Variants in KCNIP4 observed in about 807,000 individuals in gnomAD.
KCNIP4 encodes potassium voltage-gated channel interacting protein 4.
KCNIP4 carries 12 observed loss-of-function variants against 34.0 expected under a neutral mutation model. That is an observed-to-expected ratio of 0.35 (90% CI 0.23 to 0.57). The LOEUF (loss-of-function observed/expected upper bound fraction) is 0.57. Among genes scored for constraint, KCNIP4 ranks in the 20% least tolerant of loss-of-function variants. The pLI is 0.83. For missense variants in KCNIP4, 238 were observed against 311.7 expected, an observed-to-expected ratio of 0.76 and a Z score of 1.78; for synonymous variants, 124 against 102.2, an observed-to-expected ratio of 1.21 and a Z score of -1.29.
At chr4:21,711,800 T>C (rs1052358342) in intron 1 of KCNIP4, among the ~76,000 whole-genome samples, 2 of 152,186 alleles carry the variant, frequency 1.3e-5, no homozygotes. Flanking sequence ...CCCAATGATA[T>C]CTACTTATTC....
intron 1 of KCNIP4, among the ~76,000 whole-genome samples, chr4:21,763,693 C>G (rs1718208896): frequency 6.6e-6 from 1 of 152,136 alleles, no homozygotes; most frequent in African/African-American, 2.4e-5. Context: ...GAAAACCCAG[C>G]ACAGTTATTC....
At chr4:21,906,295 C>G (rs1727998183) in intron 1 of KCNIP4, among the ~76,000 whole-genome samples, 1 of 152,090 alleles carries the variant, frequency 6.6e-6, no homozygotes, top group African/African-American at 2.4e-5. Context: ...TCTGGTGTAT[C>G]TGGGTAAGCC....
intron 1 of KCNIP4, among the ~76,000 whole-genome samples, chr4:21,343,075 G>GAGAA (rs1716919210): frequency 6.6e-6 from 1 of 152,056 alleles, no homozygotes; most frequent in Non-Finnish European, 1.5e-5. Flanking sequence ...CATAAGAATA[G>GAGAA]AGAAAGAAAG....
intron 1 of KCNIP4, among the ~76,000 whole-genome samples, chr4:21,505,929 C>T (rs1184218721): frequency 1.3e-5 from 2 of 152,138 alleles, no homozygotes; most frequent in East Asian, 1.9e-4. Flanking sequence ...ATGGATAAAC[C>T]CCATCTCTAC....
chr4:21,267,324 T>C (rs963598268), intron 1 of KCNIP4, among the ~76,000 whole-genome samples: 3 of 151,402 alleles, frequency 2.0e-5, no homozygotes, highest in Non-Finnish European at 2.9e-5. Flanking sequence ...TATGTTTGAC[T>C]AACCTCGGGT....
chr4:21,271,530 G>A (rs1299299602), intron 1 of KCNIP4, among the ~76,000 whole-genome samples: 1 of 152,020 alleles, frequency 6.6e-6, no homozygotes, highest in Non-Finnish European at 1.5e-5. Flanking sequence ...GATAGTTCTT[G>A]GAAACAATTT....
At chr4:21,244,269 G>A (rs931489157) in intron 1 of KCNIP4, among the ~76,000 whole-genome samples, 4 of 152,182 alleles carry the variant, frequency 2.6e-5, no homozygotes, top group African/African-American at 7.2e-5. Context: ...CTTGCTCGTG[G>A]AAGATTAAAC....
In KCNIP4 at chr4:21,523,035, A is replaced by T. The variant is rs563402600; in HGVS notation, c.61+425536T>A. On this transcript the variant is annotated intron_variant, in intron 1 of 8. Coordinates refer to ENST00000382152, the MANE Select transcript of KCNIP4 (RefSeq NM_025221.6). ...CCATAAGGGGATAAGTGCCCTTATT[A>T]AAAAAAAAGGGGGGGACACTATTCA... Among the ~76,000 whole-genome samples the T allele has an allele frequency of 3.7e-4, 54 of 146,652 alleles. 1 individual carries two copies. The highest frequency in any genetic ancestry group is 3.4e-3 in the Middle Eastern group (1 of 290).
At chr4:20,781,976 T>A (rs1756914348) in intron 3 of KCNIP4, among the ~76,000 whole-genome samples, 1 of 152,082 alleles carries the variant, frequency 6.6e-6, no homozygotes, top group South Asian at 2.1e-4. Context: ...GGAGTACAGG[T>A]ATTAGGTAAA....
chr4:21,491,384 T>A (rs1412703202), intron 1 of KCNIP4, among the ~76,000 whole-genome samples: 1 of 152,124 alleles, frequency 6.6e-6, no homozygotes, highest in Non-Finnish European at 1.5e-5. Flanking sequence ...CCACTTGTTT[T>A]TTGTTTGTTT....
At chr4:21,886,025 G>A (rs1053947735) in intron 1 of KCNIP4, among the ~76,000 whole-genome samples, 1 of 152,058 alleles carries the variant, frequency 6.6e-6, no homozygotes, top group East Asian at 1.9e-4. Flanking sequence ...GATAAGGCTT[G>A]TGGATTATTT....
At chr4:20,874,299 A>G (rs1723773920) in intron 2 of KCNIP4, among the ~76,000 whole-genome samples, 1 of 152,162 alleles carries the variant, frequency 6.6e-6, no homozygotes, top group African/African-American at 2.4e-5. Flanking sequence ...TCAACTTTTT[A>G]ACTCTAGTAT....
intron 1 of KCNIP4, among the ~76,000 whole-genome samples, chr4:21,533,499 C>A (rs1472316184): frequency 2.0e-5 from 3 of 152,068 alleles, no homozygotes; most frequent in African/African-American, 7.2e-5. Flanking sequence ...CATTTTAGAC[C>A]ATTTCCATCT....
Position 20,729,803 on chromosome 4 carries a change from A to G in KCNIP4, c.*279T>C, listed in dbSNP as rs1436332039. On this transcript the variant is annotated 3_prime_UTR_variant, in exon 9 of 9. Transcript: ENST00000382152. ...GCCTCAATAATCCCATGGCTAAGGA[A>G]CCAATAAAACTATATGCCAGATTCT... is the stretch of plus-strand genomic sequence containing the variant. The G allele has an allele frequency of 3.2e-6, 1 of 312,790 alleles. No individual in the cohort carries two copies. The allele number at this position is 312,790 out of a possible 1,614,324, so 19.4% of individuals were successfully genotyped here. A position where few individuals can be genotyped will look rare whatever the true frequency, so the allele number is the denominator to read the frequency against.
chr4:21,464,217 A>G (rs1729720619), intron 1 of KCNIP4, among the ~76,000 whole-genome samples: 1 of 151,214 alleles, frequency 6.6e-6, no homozygotes, highest in African/African-American at 2.4e-5. Context: ...TTCTGTTCTA[A>G]TATTTACTAT....
At chr4:21,199,830 G>A (rs569814645) in intron 1 of KCNIP4, among the ~76,000 whole-genome samples, 1 of 152,208 alleles carries the variant, frequency 6.6e-6, no homozygotes, top group Non-Finnish European at 1.5e-5. Flanking sequence ...AGAAAATGTG[G>A]CATATATACA....
At chr4:21,571,152 C>T (rs1740337588) in intron 1 of KCNIP4, among the ~76,000 whole-genome samples, 1 of 152,172 alleles carries the variant, frequency 6.6e-6, no homozygotes, top group African/African-American at 2.4e-5. Flanking sequence ...ATAATCCCCT[C>T]TGAGTGTTAC....
intron 1 of KCNIP4, among the ~76,000 whole-genome samples, chr4:21,190,515 G>A (rs1299582295): frequency 2.2e-5 from 3 of 136,688 alleles, no homozygotes; most frequent in African/African-American, 8.1e-5. Flanking sequence ...GTGGGGGGGG[G>A]CACTGAGGGT....
chr4:21,405,315 C>T (rs1723886982), intron 1 of KCNIP4, among the ~76,000 whole-genome samples: 1 of 152,182 alleles, frequency 6.6e-6, no homozygotes, highest in Non-Finnish European at 1.5e-5. Context: ...CTATACCCAT[C>T]ACAATGGTCA....
Sources: allele counts gnomAD v4.1 joint callset (sites outside exome capture counted in the v4.1 genomes callset), GRCh38; gene constraint gnomAD v4.1.1; transcripts MANE v1.5; gene names NCBI Gene and HGNC (gene_info 2026-07-23, HGNC 2026-07-21).